Variants in ENTREP2 observed in about 807,000 individuals in gnomAD.
ENTREP2 encodes protein ENTREP2.
At chr15:29,504,023 T>A in the ENTREP2 span, among the ~76,000 whole-genome samples, 1 of 152,178 alleles carries the variant, frequency 6.6e-6, no homozygotes, top group Non-Finnish European at 1.5e-5. Flanking sequence ...AATTAAAAAG[T>A]CTAATAATAC....
chr15:29,370,194 A>C, the ENTREP2 span, among the ~76,000 whole-genome samples: 3 of 152,346 alleles, frequency 2.0e-5, no homozygotes, highest in African/African-American at 4.8e-5. Flanking sequence ...AAAGGCAGAA[A>C]TTTCAGAATG....
chr15:29,269,424 C>A, the ENTREP2 span: 1 of 1,614,154 alleles, frequency 6.2e-7, no homozygotes, highest in Non-Finnish European at 8.5e-7. Flanking sequence ...TCAGCAAGAA[C>A]TGCACCAGCT....
chr15:29,535,313 A>T, the ENTREP2 span, among the ~76,000 whole-genome samples: 3 of 152,278 alleles, frequency 2.0e-5, no homozygotes, highest in African/African-American at 7.2e-5. Context: ...GTCCCTTATA[A>T]CATTCTCCTA....
the ENTREP2 span, among the ~76,000 whole-genome samples, chr15:29,172,588 G>C: frequency 6.6e-6 from 1 of 152,126 alleles, no homozygotes; most frequent in East Asian, 1.9e-4. Flanking sequence ...TGGGGGAGAA[G>C]GGAGAGGGAG....
the ENTREP2 span, among the ~76,000 whole-genome samples, chr15:29,134,392 A>T: frequency 1.8e-4 from 27 of 152,196 alleles, no homozygotes; most frequent in African/African-American, 6.3e-4. Context: ...TCAGGGGGCC[A>T]CTGTCTGCAG....
chr15:29,174,721 A>AAAAAAAT, the ENTREP2 span, among the ~76,000 whole-genome samples: 1 of 151,764 alleles, frequency 6.6e-6, no homozygotes, highest in African/African-American at 2.4e-5. Flanking sequence ...AAAAAAAAAA[A>AAAAAAAT]AGAAAACTAG....
chr15:29,444,154 CAGAAAGAAAGACAGACAAAGAAAGAA>C, the ENTREP2 span, among the ~76,000 whole-genome samples: 741 of 54,886 alleles, frequency 0.014, 65 homozygotes, highest in African/African-American at 0.025. Context: ...GAAAGACAGA[CAGAAAGAAAGACAGACAAAGAAAGAA>C]AGAAAGAAAG....
chr15:29,237,614 A>G, the ENTREP2 span, among the ~76,000 whole-genome samples: 1 of 152,234 alleles, frequency 6.6e-6, no homozygotes, highest in East Asian at 1.9e-4. Context: ...ATCATGAGAT[A>G]CTACTTTGTA....
chr15:29,238,873 G>A, the ENTREP2 span, among the ~76,000 whole-genome samples: 1 of 151,994 alleles, frequency 6.6e-6, no homozygotes, highest in African/African-American at 2.4e-5. Context: ...CAAGAAGCAT[G>A]GTGTTAAACC....
the ENTREP2 span, among the ~76,000 whole-genome samples, chr15:29,216,176 C>T: frequency 2.0e-5 from 3 of 152,170 alleles, no homozygotes; most frequent in African/African-American, 7.2e-5. Context: ...GGCGAATTCT[C>T]TCAGCATTTG....
chr15:29,259,811 C>CATATAT, the ENTREP2 span, among the ~76,000 whole-genome samples: 3 of 149,318 alleles, frequency 2.0e-5, no homozygotes, highest in African/African-American at 7.5e-5. Flanking sequence ...ATCCCATTTA[C>CATATAT]ATATATATAT....
At chr15:29,199,146 C>A in the ENTREP2 span, among the ~76,000 whole-genome samples, 1 of 152,178 alleles carries the variant, frequency 6.6e-6, no homozygotes, top group Non-Finnish European at 1.5e-5. Context: ...TGGGGATTTT[C>A]AGCTTTAGCA....
the ENTREP2 span, chr15:29,122,880 A>T: frequency 6.4e-6 from 1 of 156,564 alleles, no homozygotes; most frequent in Non-Finnish European, 1.4e-5. Context: ...CACATGAGAA[A>T]ATGTTTCATG....
chr15:29,233,677 A>T, the ENTREP2 span: 1 of 1,043,770 alleles, frequency 9.6e-7, no homozygotes, highest in South Asian at 1.3e-5. Context: ...GGATGGGCAT[A>T]GCGCATCTCC....
the ENTREP2 span, chr15:29,126,545 T>G: frequency 6.8e-7 from 1 of 1,465,572 alleles, no homozygotes; most frequent in Non-Finnish European, 9.3e-7. Context: ...GACGCTGGCG[T>G]GGGACAGGCC....
the ENTREP2 span, among the ~76,000 whole-genome samples, chr15:29,357,857 GAA>G: frequency 5.7e-5 from 7 of 123,292 alleles, no homozygotes; most frequent in African/African-American, 1.9e-4. Context: ...GAAAAGAAAA[GAA>G]AAAAAAAAAA....
the ENTREP2 span, chr15:29,136,913 C>CGA: frequency 1.1e-6 from 1 of 885,000 alleles, no homozygotes; most frequent in Non-Finnish European, 1.6e-6. Context: ...AAGACCCTCT[C>CGA]CTTCCACTGC....
the ENTREP2 span, among the ~76,000 whole-genome samples, chr15:29,237,510 G>T: frequency 6.6e-6 from 1 of 152,154 alleles, no homozygotes; most frequent in Non-Finnish European, 1.5e-5. Context: ...AAGGGATGAG[G>T]TTTAGGTTGA....
At chr15:29,566,967 G>C in the ENTREP2 span, among the ~76,000 whole-genome samples, 1 of 151,688 alleles carries the variant, frequency 6.6e-6, no homozygotes, top group South Asian at 2.1e-4. Flanking sequence ...CTGAGTTCTG[G>C]GCATTAATAA....
Sources: gnomAD v4.1 joint callset for allele counts (sites outside exome capture counted in the v4.1 genomes callset) on GRCh38, gnomAD v4.1.1 for gene constraint, MANE v1.5 for transcripts, NCBI Gene and HGNC (gene_info 2026-07-23, HGNC 2026-07-21) for gene names.